NCAM1: variants seen among roughly 807,000 people sequenced by gnomAD.
The protein encoded by NCAM1 is neural cell adhesion molecule 1, also known as antigen recognized by monoclonal antibody 5.1H11.
In NCAM1, 14 loss-of-function variants were observed where a neutral mutation model predicts 109.8. The observed-to-expected ratio is 0.13, with a 90% CI of 0.08 to 0.20. The LOEUF (loss-of-function observed/expected upper bound fraction) is 0.20, where lower values mean the gene tolerates loss of function less well. NCAM1 is among the 10% of genes least tolerant of loss of function. The pLI is 1.00. For synonymous variants in NCAM1, 418 were observed against 442.9 expected (o/e 0.94, Z 0.70); for missense variants, 774 against 1,109.9 (o/e 0.70, Z 4.30).
In NCAM1 at chr11:113,094,809, A is replaced by C. The variant is rs547354947; in HGVS notation, c.53-107570A>C. The stretch of plus-strand genomic sequence containing the variant: ...AGATTTGTTGTTGTTGTTGACTGTC[A>C]AACAACTCTGTTAGCTGTGGCCTAA... On this transcript the variant is annotated intron_variant, in intron 1 of 19. Transcript: ENST00000316851. 9.8e-5 allele frequency among the ~76,000 whole-genome samples: 15 copies of C among 152,354 alleles called. No individual in the cohort carries two copies. In the South Asian group the frequency reaches 3.1e-3, roughly 32 times the overall value.
chr11:112,979,326 T>G (rs1266294241), intron 1 of NCAM1, among the ~76,000 whole-genome samples: 9 of 151,880 alleles, frequency 5.9e-5, no homozygotes, highest in African/African-American at 1.4e-4. Context: ...ACTGATGTAC[T>G]TCTCCAAATG....
rs896604277 is a variant in NCAM1, at chr11:113,233,594, T to C, written c.1693+277T>C. Among the ~76,000 whole-genome samples, 2 of 152,224 alleles carry C rather than the reference T, an allele frequency of 1.3e-5. No homozygotes were observed. Among genetic ancestry groups the C allele is most frequent in the African/African-American group, 4.8e-5 (2 of 41,472 alleles). Reference sequence around the variant, plus strand: ...TGTGTAGGTTCTGAGCGCAGCCAGATGAGTCCAGCCCATAGGTTCTGAGCA... The same window carrying C: ...TGTGTAGGTTCTGAGCGCAGCCAGACGAGTCCAGCCCATAGGTTCTGAGCA... On this transcript the variant is annotated intron_variant, in intron 13 of 19. Coordinates refer to ENST00000316851, the MANE Select transcript of NCAM1 (RefSeq NM_181351.5). This position sits in a 1 kb window ranked among gnomAD's most constrained non-coding sequence, Gnocchi z 4.5.
At chr11:113,133,513 G>A (rs899864893) in intron 1 of NCAM1, 5 of 152,194 alleles carry the variant, frequency 3.3e-5, no homozygotes, top group Non-Finnish European at 7.3e-5. Context: ...TGCAAAAGGA[G>A]ATGCATTTTA....
At chr11:113,126,211 A>C (rs112938668) in intron 1 of NCAM1, among the ~76,000 whole-genome samples, 163 of 151,700 alleles carry the variant, frequency 1.1e-3, no homozygotes, top group African/African-American at 3.5e-3. Context: ...ACAACAACAA[A>C]TAATAATAAT....
intron 7 of NCAM1, among the ~76,000 whole-genome samples, chr11:113,209,438 A>T (rs183843730): frequency 6.6e-6 from 1 of 152,324 alleles, no homozygotes; most frequent in East Asian, 1.9e-4. Flanking sequence ...ATTCAGACTG[A>T]TCTTCCCCAA....
chr11:113,229,986 G>A (rs1261835253), intron 9 of NCAM1, among the ~76,000 whole-genome samples: 5 of 152,064 alleles, frequency 3.3e-5, no homozygotes, highest in Admixed American at 3.3e-4. Flanking sequence ...TAATGTAAAT[G>A]ACGAGTTAAT....
chr11:113,003,105 C>A (rs1197849276), intron 1 of NCAM1, among the ~76,000 whole-genome samples: 3 of 152,238 alleles, frequency 2.0e-5, no homozygotes, highest in Non-Finnish European at 2.9e-5. Context: ...CAAACTTCAT[C>A]ATCATTTAGA....
chr11:113,275,440 A>T lies in NCAM1; in HGVS notation c.*53A>T. On this transcript the variant is annotated 3_prime_UTR_variant, in exon 20 of 20. Transcript: ENST00000316851. ...AAATAAAAAGTGACACAGCAGCTTC[A>T]CCAGAGCATTTCCAACACCACAGAC... 6.3e-7 allele frequency: 1 copy of T among 1,579,984 alleles called. No homozygotes were observed. The highest frequency in any genetic ancestry group is 1.2e-5 in the South Asian group (1 of 86,660).
intron 9 of NCAM1, among the ~76,000 whole-genome samples, chr11:113,222,621 G>T (rs1256810886): frequency 1.3e-5 from 2 of 152,214 alleles, no homozygotes; most frequent in African/African-American, 4.8e-5. Flanking sequence ...GGAAGAGAGA[G>T]AAGGGTTAAT....
At chr11:113,157,707 CAT>C (rs1942464581) in intron 1 of NCAM1, among the ~76,000 whole-genome samples, 1 of 152,058 alleles carries the variant, frequency 6.6e-6, no homozygotes, top group African/African-American at 2.4e-5. Context: ...AGCAGTAATA[CAT>C]ATGTTATCAA....
At position 113,182,932 on chromosome 11, in the gene NCAM1, A is replaced by T. The variant is rs1307280124; in HGVS notation, c.53-19447A>T. On this transcript the variant is annotated intron_variant, in intron 1 of 19. Coordinates refer to ENST00000316851, the MANE Select transcript of NCAM1 (RefSeq NM_181351.5). ...GGCCTGGGCCGCAGATTGGAGCCCC[A>T]CTTGGCAGGACTGGGGTGAGCCAGC... Among the ~76,000 whole-genome samples the T allele has an allele frequency of 2.0e-5, 3 of 152,200 alleles. No individual in the cohort carries two copies. In the East Asian group the frequency reaches 5.8e-4, roughly 29 times the overall value.
At position 113,167,691 on chromosome 11, in the gene NCAM1, A is replaced by G. The variant is rs541694525; in HGVS notation, c.53-34688A>G. Among the ~76,000 whole-genome samples the G allele has an allele frequency of 1.6e-3, 237 of 151,988 alleles. 1 individual carries two copies. The highest frequency in any genetic ancestry group is 5.3e-3 in the African/African-American group (218 of 41,464). On this transcript the variant is annotated intron_variant, in intron 1 of 19. Coordinates refer to ENST00000316851, the MANE Select transcript of NCAM1 (RefSeq NM_181351.5). ...TCCCTGTGGGGAGAAGTGAGGTCCC[A>G]CTCCAGCCTGGAGCCCGTGTTCTAT...
intron 12 of NCAM1, 49 bp downstream of exon 12, chr11:113,232,863 A>C: frequency 6.7e-7 from 1 of 1,487,962 alleles, no homozygotes; most frequent in Non-Finnish European, 9.4e-7. Flanking sequence ...CCCCCCACCT[A>C]ACCCTGCCAG....
At chr11:113,019,107 G>A (rs782138144) in intron 1 of NCAM1, among the ~76,000 whole-genome samples, 1 of 152,072 alleles carries the variant, frequency 6.6e-6, no homozygotes, top group Non-Finnish European at 1.5e-5. Flanking sequence ...GAGAGGTGAT[G>A]CTTCCTGTGT....
chr11:113,257,216 A>G (rs1389073536), intron 16 of NCAM1, among the ~76,000 whole-genome samples: 1 of 152,056 alleles, frequency 6.6e-6, no homozygotes, highest in African/African-American at 2.4e-5. Context: ...CCCCCAATAT[A>G]CCCCTGGAAG....
At chr11:113,075,692 A>G (rs939083091) in intron 1 of NCAM1, among the ~76,000 whole-genome samples, 2 of 152,176 alleles carry the variant, frequency 1.3e-5, no homozygotes, top group Admixed American at 6.5e-5. Flanking sequence ...ATGATGGGTG[A>G]TTCATAAGAA....
chr11:113,102,483 ATTCCT>A (rs1591326415), intron 1 of NCAM1, among the ~76,000 whole-genome samples: 1 of 152,234 alleles, frequency 6.6e-6, no homozygotes, highest in East Asian at 1.9e-4. Flanking sequence ...TAGTCTTGCA[ATTCCT>A]TTAGCTGGCA....
chr11:113,246,099 A>G (rs1945493992), intron 14 of NCAM1: 1 of 521,422 alleles, frequency 1.9e-6, no homozygotes, highest in South Asian at 3.2e-5. Context: ...TTTATGATTT[A>G]TTATTCTTCT....
At chr11:113,129,559 A>G (rs1453148562) in intron 1 of NCAM1, among the ~76,000 whole-genome samples, 1 of 152,182 alleles carries the variant, frequency 6.6e-6, no homozygotes, top group Non-Finnish European at 1.5e-5. Context: ...CACAGGGATG[A>G]ACTTGGTCAG....
Sources: gnomAD v4.1 joint callset for allele counts (sites outside exome capture counted in the v4.1 genomes callset) on GRCh38, gnomAD v4.1.1 for gene constraint, Gnocchi (gnomAD v3.1) non-coding constraint, MANE v1.5 for transcripts, NCBI Gene and HGNC (gene_info 2026-07-23, HGNC 2026-07-21) for gene names.